Variants in NXPH1 observed in about 807,000 individuals in gnomAD.
The protein encoded by NXPH1 is neurexophilin 1.
NXPH1 carries 5 observed loss-of-function variants against 23.7 expected under a neutral mutation model. The observed-to-expected ratio is 0.21, with a 90% CI of 0.11 to 0.44. The LOEUF (loss-of-function observed/expected upper bound fraction) is 0.44. NXPH1 is among the 20% of genes least tolerant of loss of function. The probability of loss-of-function intolerance (pLI) is 0.99; values close to 1 mark genes in which losing one functional copy is unlikely to be tolerated. For missense variants in NXPH1, 324 were observed against 321.6 expected (o/e 1.01, Z -0.06); for synonymous variants, 144 against 122.2 (o/e 1.18, Z -1.18).
rs140973187 is a variant in NXPH1, at chr7:8,450,757, C to T, written c.54+14990C>T. ...TTAAAAATGTAAATAAAATTGCTTT[C>T]TGTAAATGGTATACATGAAGGTCAT... On this transcript the variant is annotated intron_variant, in intron 2 of 2. Coordinates refer to ENST00000405863, the MANE Select transcript of NXPH1 (RefSeq NM_152745.3). Among the ~76,000 whole-genome samples, 2 of 152,320 alleles carry T rather than the reference C, an allele frequency of 1.3e-5. 1 individual carries two copies. Among genetic ancestry groups the T allele is most frequent in the Non-Finnish European group, 2.9e-5 (2 of 68,030 alleles).
Position 8,568,629 on chromosome 7 carries a change from G to GA in NXPH1, c.54+132865dup, listed in dbSNP as rs1479692618. On this transcript the variant is annotated intron_variant, in intron 2 of 2. Coordinates refer to ENST00000405863, the MANE Select transcript of NXPH1 (RefSeq NM_152745.3). ...AATATCCCTTACATAATGCATAAAA[G>GA]AAAGTTTTCATTCTTAGCAAAAAAA... is the stretch of plus-strand genomic sequence containing the variant. Among the ~76,000 whole-genome samples, 2 of 109,270 alleles carry GA rather than the reference G, an allele frequency of 1.8e-5. 1 individual carries two copies. The highest frequency in any genetic ancestry group is 3.9e-5 in the Non-Finnish European group (2 of 50,636). 71.7% of individuals were successfully genotyped at this position (109,270 alleles called of 152,430 possible). A position where few individuals can be genotyped will look rare whatever the true frequency, so the allele number is the denominator to read the frequency against.
intron 2 of NXPH1, among the ~76,000 whole-genome samples, chr7:8,716,957 G>A (rs995516027): frequency 1.3e-5 from 2 of 152,220 alleles, no homozygotes; most frequent in South Asian, 2.1e-4. Context: ...CAGCAGTGAG[G>A]CTCCAAGACA....
chr7:8,611,825 C>T (rs1229663191), intron 2 of NXPH1, among the ~76,000 whole-genome samples: 4 of 152,048 alleles, frequency 2.6e-5, no homozygotes, highest in African/African-American at 4.8e-5. Flanking sequence ...CAGCAGGGCT[C>T]TTTTGTGTGT....
intron 2 of NXPH1, among the ~76,000 whole-genome samples, chr7:8,580,996 T>C (rs958698455): frequency 6.6e-6 from 1 of 152,148 alleles, no homozygotes; most frequent in Non-Finnish European, 1.5e-5. Context: ...CCCTGAGAAA[T>C]GCTAAATCCC....
chr7:8,687,819 T>C (rs1821170453), intron 2 of NXPH1, among the ~76,000 whole-genome samples: 1 of 152,182 alleles, frequency 6.6e-6, no homozygotes, highest in Non-Finnish European at 1.5e-5. Flanking sequence ...TGCTGAGACA[T>C]TCTGAAAATT....
intron 2 of NXPH1, among the ~76,000 whole-genome samples, chr7:8,489,551 T>C (rs1267518182): frequency 6.6e-6 from 1 of 152,064 alleles, no homozygotes; most frequent in Non-Finnish European, 1.5e-5. Context: ...TATTAAACGG[T>C]TGATTCATTC....
At chr7:8,487,875 A>G (rs1817185076) in intron 2 of NXPH1, among the ~76,000 whole-genome samples, 1 of 152,156 alleles carries the variant, frequency 6.6e-6, no homozygotes, top group Non-Finnish European at 1.5e-5. Context: ...AGATTGCCTT[A>G]TTAAGTAATT....
At chr7:8,714,900 C>T (rs1779853000) in intron 2 of NXPH1, among the ~76,000 whole-genome samples, 1 of 152,106 alleles carries the variant, frequency 6.6e-6, no homozygotes. Flanking sequence ...AGCTGCCCTG[C>T]CTGGGGTTGG....
chr7:8,454,016 A>T (rs969565511), intron 2 of NXPH1, among the ~76,000 whole-genome samples: 3 of 152,120 alleles, frequency 2.0e-5, no homozygotes, highest in African/African-American at 7.2e-5. Flanking sequence ...ACATGTTTGC[A>T]CTCATAAGTG....
intron 2 of NXPH1, among the ~76,000 whole-genome samples, chr7:8,459,936 C>T (rs746654309): frequency 9.9e-5 from 15 of 152,108 alleles, no homozygotes; most frequent in Non-Finnish European, 2.1e-4. Flanking sequence ...GGGTGCTTAG[C>T]CAAACTGAGC....
intron 2 of NXPH1, among the ~76,000 whole-genome samples, chr7:8,586,736 C>G (rs1365777525): frequency 6.6e-6 from 1 of 151,616 alleles, no homozygotes; most frequent in Non-Finnish European, 1.5e-5. Context: ...AAACTTTTAA[C>G]CTTTTGCATT....
At chr7:8,538,607 T>C (rs1818064542) in intron 2 of NXPH1, among the ~76,000 whole-genome samples, 1 of 151,910 alleles carries the variant, frequency 6.6e-6, no homozygotes, top group Non-Finnish European at 1.5e-5. Flanking sequence ...GGTCAATAAA[T>C]AGTATCTATC....
At chr7:8,700,812 C>G (rs1163296837) in intron 2 of NXPH1, among the ~76,000 whole-genome samples, 5 of 152,004 alleles carry the variant, frequency 3.3e-5, no homozygotes, top group Non-Finnish European at 7.4e-5. Context: ...CATGTTTTCT[C>G]TATTACAGAA....
chr7:8,734,556 G>T (rs186060524), intron 2 of NXPH1, among the ~76,000 whole-genome samples: 25 of 152,208 alleles, frequency 1.6e-4, no homozygotes, highest in Non-Finnish European at 8.8e-5. Context: ...TCCTTGAGCA[G>T]TGATTTGTTA....
intron 2 of NXPH1, among the ~76,000 whole-genome samples, chr7:8,553,270 T>A (rs1008555242): frequency 1.3e-5 from 2 of 151,478 alleles, no homozygotes; most frequent in African/African-American, 4.8e-5. Context: ...TAAAAATTTA[T>A]ATTCCAAAGG....
rs1562445628 is a variant in NXPH1, at chr7:8,658,979, A to G, written c.55-92029A>G. ...GAAGAATAGTAAAGGGAAAGCTGGCATAAGAATATGTATATATATATATAT... is the reference window on the plus strand; with the variant it reads ...GAAGAATAGTAAAGGGAAAGCTGGCGTAAGAATATGTATATATATATATAT... On this transcript the variant is annotated intron_variant, in intron 2 of 2. Transcript: ENST00000405863. 1.3e-5 allele frequency among the ~76,000 whole-genome samples: 2 copies of G among 149,760 alleles called. 1 individual carries two copies. Among genetic ancestry groups the G allele is most frequent in the Admixed American group, 1.3e-4 (2 of 14,846 alleles).
chr7:8,566,429 A>T (rs530452757), intron 2 of NXPH1, among the ~76,000 whole-genome samples: 1 of 151,880 alleles, frequency 6.6e-6, no homozygotes, highest in Non-Finnish European at 1.5e-5. Context: ...TCCTATGAGG[A>T]TGTTTCCAGA....
At chr7:8,526,606 T>G (rs1281812081) in intron 2 of NXPH1, among the ~76,000 whole-genome samples, 2 of 152,168 alleles carry the variant, frequency 1.3e-5, no homozygotes, top group Non-Finnish European at 2.9e-5. Flanking sequence ...GGGAGGTAAT[T>G]GAATCATGGA....
At chr7:8,568,414 C>A (rs1818585375) in intron 2 of NXPH1, among the ~76,000 whole-genome samples, 1 of 151,744 alleles carries the variant, frequency 6.6e-6, no homozygotes, top group African/African-American at 2.4e-5. Flanking sequence ...TTACACAAGG[C>A]CCCAAAATAG....
Sources: gnomAD v4.1 joint callset for allele counts (sites outside exome capture counted in the v4.1 genomes callset) on GRCh38, gnomAD v4.1.1 for gene constraint, MANE v1.5 for transcripts, NCBI Gene and HGNC (gene_info 2026-07-23, HGNC 2026-07-21) for gene names.